The following ATP6V1H variants were observed in gnomAD, a reference collection of about 807,000 sequenced individuals.
The protein encoded by ATP6V1H is V-type proton ATPase subunit H.
Under a neutral mutation model 71.7 loss-of-function variants are expected in ATP6V1H, and 39 were observed. The observed-to-expected ratio is 0.54, with a 90% CI of 0.42 to 0.71. ATP6V1H has a LOEUF of 0.71. Ranked by LOEUF, ATP6V1H falls within the 30% of genes least tolerant of loss-of-function variation. The probability of loss-of-function intolerance (pLI) is 0.00; values close to 1 mark genes in which losing one functional copy is unlikely to be tolerated. For synonymous variants in ATP6V1H, 192 were observed against 199.3 expected, an observed-to-expected ratio of 0.96 and a Z score of 0.31; for missense variants, 509 against 594.9, an observed-to-expected ratio of 0.86 and a Z score of 1.50.
chr8:53,753,914 A>T (rs1807896272), intron 12 of ATP6V1H, among the ~76,000 whole-genome samples: 1 of 152,228 alleles, frequency 6.6e-6, no homozygotes, highest in South Asian at 2.1e-4. Flanking sequence ...CCGGTAGAAC[A>T]CATGAGACTC....
At chr8:53,776,723 T>C (rs1808904674) in intron 9 of ATP6V1H, among the ~76,000 whole-genome samples, 2 of 151,998 alleles carry the variant, frequency 1.3e-5, no homozygotes. Flanking sequence ...GAAAAGTCAG[T>C]CAAGAAATAC....
chr8:53,765,505 C>A (rs1808428279), intron 11 of ATP6V1H, among the ~76,000 whole-genome samples: 2 of 127,728 alleles, frequency 1.6e-5, no homozygotes, highest in African/African-American at 2.9e-5. Flanking sequence ...ACACACAAGA[C>A]CATCAGCATT....
intron 13 of ATP6V1H, among the ~76,000 whole-genome samples, chr8:53,729,742 G>A (rs1416959853): frequency 6.6e-6 from 1 of 152,160 alleles, no homozygotes; most frequent in Admixed American, 6.5e-5. Context: ...TCTGTCCAAG[G>A]CTACCAGGAG....
At chr8:53,832,134 T>C (rs910273373) in intron 3 of ATP6V1H, 1 of 152,108 alleles carries the variant, frequency 6.6e-6, no homozygotes, top group African/African-American at 2.4e-5. Flanking sequence ...GGGAAGAATA[T>C]ACAGTTAAAT....
intron 13 of ATP6V1H, among the ~76,000 whole-genome samples, chr8:53,736,217 A>G (rs1052818489): frequency 6.6e-6 from 1 of 152,182 alleles, no homozygotes; most frequent in South Asian, 2.1e-4. Context: ...CTACTTAGTC[A>G]AAGAACCCAG....
At chr8:53,741,475 C>G (rs1419203427) in intron 13 of ATP6V1H, among the ~76,000 whole-genome samples, 1 of 152,174 alleles carries the variant, frequency 6.6e-6, no homozygotes, top group African/African-American at 2.4e-5. Flanking sequence ...TTGACTTTCA[C>G]AGAAACTTTA....
At chr8:53,835,406 C>T (rs1409853813) in intron 2 of ATP6V1H, among the ~76,000 whole-genome samples, 1 of 152,202 alleles carries the variant, frequency 6.6e-6, no homozygotes, top group African/African-American at 2.4e-5. Context: ...TCAGAACTGT[C>T]CCCTCCCCAA....
intron 6 of ATP6V1H, 132 bp downstream of exon 6, chr8:53,814,530 T>A (rs1057168190): frequency 3.6e-6 from 2 of 563,254 alleles, no homozygotes; most frequent in African/African-American, 3.8e-5. Context: ...AGTAGTTTGG[T>A]TTACTTGACA....
Position 53,841,521 on chromosome 8 carries a change from A to C in ATP6V1H, c.113+57T>G, listed in dbSNP as rs1811342582. 2.6e-6 allele frequency: 4 copies of C among 1,562,378 alleles called. No homozygotes were observed. In the South Asian group the frequency reaches 4.5e-5, roughly 18 times the overall value. ...TTCTCTCATAGAAGCATGACCATGAAAAAGTCTGATGCAAAAGCATATGAC... is the reference window on the plus strand; with the variant it reads ...TTCTCTCATAGAAGCATGACCATGACAAAGTCTGATGCAAAAGCATATGAC... On this transcript the variant is annotated intron_variant, in intron 2 of 13. Transcript: ENST00000359530.
intron 13 of ATP6V1H, among the ~76,000 whole-genome samples, chr8:53,727,639 G>T (rs1394430253): frequency 6.6e-6 from 1 of 152,112 alleles, no homozygotes; most frequent in Non-Finnish European, 1.5e-5. Flanking sequence ...CATTTTTTCA[G>T]GTAATCTCAT....
intron 4 of ATP6V1H, among the ~76,000 whole-genome samples, chr8:53,819,610 G>GTATATACA (rs1276419727): frequency 4.5e-5 from 3 of 66,368 alleles, no homozygotes; most frequent in African/African-American, 2.6e-4. Flanking sequence ...TACACACATT[G>GTATATACA]TATATACATA....
intron 9 of ATP6V1H, among the ~76,000 whole-genome samples, chr8:53,791,208 C>T (rs1031979): frequency 0.18 from 27,188 of 152,076 alleles, 4,075 homozygotes; most frequent in African/African-American, 0.39. Flanking sequence ...GAAGAATCAG[C>T]TCTTATTCCA....
Position 53,805,063 on chromosome 8 carries a change from A to G in ATP6V1H, c.580-3167T>C, listed in dbSNP as rs1046160266. On this transcript the variant is annotated intron_variant, in intron 7 of 13. Coordinates refer to ENST00000359530, the MANE Select transcript of ATP6V1H (RefSeq NM_015941.4). The stretch of plus-strand genomic sequence containing the variant: ...AAGTATGCAATAAACGAAACATAAA[A>G]ACATCAATGATACTGTATGTACAAA... 6.6e-5 allele frequency among the ~76,000 whole-genome samples: 10 copies of G among 152,342 alleles called. No homozygotes were observed. The East Asian group carries it at 1.7e-3, about 26-fold the overall frequency.
chr8:53,752,653 C>G (rs190939034), intron 12 of ATP6V1H, among the ~76,000 whole-genome samples: 1 of 152,082 alleles, frequency 6.6e-6, no homozygotes, highest in Non-Finnish European at 1.5e-5. Context: ...TGGGTTCAAG[C>G]GATTATCCTG....
At chr8:53,765,485 ACACACACACACACAC>A (rs1240607183) in intron 11 of ATP6V1H, among the ~76,000 whole-genome samples, 13 of 150,040 alleles carry the variant, frequency 8.7e-5, no homozygotes, top group African/African-American at 3.2e-4. Context: ...ACACACACAC[ACACACACACACACAC>A]AAGACCATCA....
chr8:53,719,498 A>T (rs1806543441), intron 13 of ATP6V1H, among the ~76,000 whole-genome samples: 1 of 152,308 alleles, frequency 6.6e-6, no homozygotes, highest in African/African-American at 2.4e-5. Flanking sequence ...ATGTCGAATG[A>T]CATTATGTAG....
intron 11 of ATP6V1H, among the ~76,000 whole-genome samples, chr8:53,765,829 G>A (rs1808441386): frequency 6.6e-6 from 1 of 152,090 alleles, no homozygotes; most frequent in East Asian, 1.9e-4. Context: ...GACTCAGAAT[G>A]GCCAGCACAA....
intron 6 of ATP6V1H, among the ~76,000 whole-genome samples, chr8:53,811,921 C>T (rs556117875): frequency 6.6e-6 from 1 of 152,222 alleles, no homozygotes; most frequent in Admixed American, 6.5e-5. Context: ...TCTAAACTTG[C>T]AGCTAACTTG....
At chr8:53,787,050 G>A (rs1809410570) in intron 9 of ATP6V1H, among the ~76,000 whole-genome samples, 1 of 152,170 alleles carries the variant, frequency 6.6e-6, no homozygotes, top group Non-Finnish European at 1.5e-5. Flanking sequence ...TCATTATTCT[G>A]TCAAATTCCT....
Sources: gnomAD v4.1 joint callset for allele counts (sites outside exome capture counted in the v4.1 genomes callset) on GRCh38, gnomAD v4.1.1 for gene constraint, MANE v1.5 for transcripts, NCBI Gene and HGNC (gene_info 2026-07-23, HGNC 2026-07-21) for gene names.